Variants in MYO18B observed in about 807,000 individuals in gnomAD.
MYO18B encodes myosin XVIIIB, also known as unconventional myosin-XVIIIb.
In MYO18B, 204 loss-of-function variants were observed where a neutral mutation model predicts 273.0. The ratio of observed to expected loss-of-function variants is 0.75; its 90% CI spans 0.67 to 0.84. MYO18B has a LOEUF of 0.84. Among genes scored for constraint, MYO18B ranks in the 40% least tolerant of loss-of-function variants. The pLI is 0.00. For missense variants in MYO18B, 3,212 were observed against 3,287.6 expected, an observed-to-expected ratio of 0.98 and a Z score of 0.56; for synonymous variants, 1,330 against 1,305.7, an observed-to-expected ratio of 1.02 and a Z score of -0.40.
chr22:25,936,240 G>A (rs1309472796), intron 34 of MYO18B, among the ~76,000 whole-genome samples: 3 of 152,216 alleles, frequency 2.0e-5, no homozygotes, highest in Admixed American at 6.5e-5. Context: ...TGGAGCATCA[G>A]TGTGATCCAG....
intron 21 of MYO18B, among the ~76,000 whole-genome samples, chr22:25,860,851 G>A (rs955480189): frequency 2.6e-5 from 4 of 151,742 alleles, no homozygotes; most frequent in African/African-American, 4.8e-5. Context: ...GGGCAATTTG[G>A]TTGATAGTAT....
At chr22:26,006,526 C>T (rs571558535) in intron 42 of MYO18B, 30 of 261,518 alleles carry the variant, frequency 1.1e-4, no homozygotes, top group African/African-American at 4.3e-4. Context: ...TATAGGAAAA[C>T]GTATACAATG....
intron 32 of MYO18B, among the ~76,000 whole-genome samples, 157 bp downstream of exon 32, chr22:25,908,589 T>C (rs1228663851): frequency 6.6e-6 from 1 of 152,140 alleles, no homozygotes; most frequent in African/African-American, 2.4e-5. Context: ...ACTTCAAAGG[T>C]GTAGGAGCGG....
At chr22:25,838,531 A>C (rs5761265) in intron 17 of MYO18B, among the ~76,000 whole-genome samples, 53,434 of 152,076 alleles carry the variant, frequency 0.35, 9,814 homozygotes, top group East Asian at 0.67. Flanking sequence ...TGTGTATACA[A>C]ATGGTGATTC....
intron 40 of MYO18B, among the ~76,000 whole-genome samples, chr22:25,998,817 A>G (rs1933622764): frequency 6.6e-6 from 1 of 152,126 alleles, no homozygotes; most frequent in Non-Finnish European, 1.5e-5. Flanking sequence ...TATTAATCTG[A>G]GAAGGTTGAT....
intron 8 of MYO18B, among the ~76,000 whole-genome samples, chr22:25,779,852 A>G (rs968390078): frequency 2.6e-5 from 4 of 152,208 alleles, no homozygotes; most frequent in Admixed American, 2.0e-4. Flanking sequence ...CAGCCCAGCA[A>G]TCGGTGCTCA....
In MYO18B at chr22:25,763,118, G is replaced by A. The variant is rs6004759; in HGVS notation, c.40-113G>A. 581 of 1,238,956 alleles carry A rather than the reference G, an allele frequency of 4.7e-4. 2 individuals carry two copies. The African/African-American group carries it at 6.8e-3, about 14-fold the overall frequency. The allele number at this position is 1,238,956 out of a possible 1,614,324, so 76.7% of individuals were successfully genotyped here. On this transcript the variant is annotated intron_variant, in intron 2 of 43. Coordinates refer to ENST00000335473, the MANE Select transcript of MYO18B (RefSeq NM_032608.7). ...GCTGTGGCTTCTCATACATGGGCTT[G>A]GTCATGTATGTCTCCTCCGCCCCCT... is the stretch of plus-strand genomic sequence containing the variant.
chr22:25,918,754 A>C (rs568171613), intron 33 of MYO18B, among the ~76,000 whole-genome samples: 1 of 152,318 alleles, frequency 6.6e-6, no homozygotes, highest in African/African-American at 2.4e-5. Context: ...GCACTTTAGG[A>C]TATATGCAAA....
At chr22:25,859,937 C>T (rs117267232) in intron 21 of MYO18B, among the ~76,000 whole-genome samples, 6,105 of 152,236 alleles carry the variant, frequency 0.04, 177 homozygotes, top group East Asian at 0.13. Context: ...GATATTCTCC[C>T]ATTTTCCGCT....
intron 22 of MYO18B, among the ~76,000 whole-genome samples, chr22:25,873,462 T>G (rs2091104162): frequency 6.6e-6 from 1 of 152,164 alleles, no homozygotes; most frequent in African/African-American, 2.4e-5. Flanking sequence ...TCCTTTCTTT[T>G]TTTTGAGATG....
chr22:25,930,133 A>G (rs1301641408), intron 34 of MYO18B, among the ~76,000 whole-genome samples: 1 of 152,052 alleles, frequency 6.6e-6, no homozygotes, highest in African/African-American at 2.4e-5. Context: ...TCTTTGCCTG[A>G]TAAGCATCTA....
At chr22:26,051,266 C>T in the MYO18B span, among the ~76,000 whole-genome samples, 1 of 144,688 alleles carries the variant, frequency 6.9e-6, no homozygotes, top group African/African-American at 2.6e-5. Flanking sequence ...CTCTGTTGCC[C>T]AGGCTGGAGT....
chr22:25,838,157 AC>A (rs2089963236), intron 17 of MYO18B, among the ~76,000 whole-genome samples: 1 of 150,956 alleles, frequency 6.6e-6, no homozygotes, highest in Non-Finnish European at 1.5e-5. Context: ...ATACACACAC[AC>A]AAATATATAT....
At chr22:25,832,349 C>T (rs2089737732) in intron 15 of MYO18B, among the ~76,000 whole-genome samples, 1 of 152,066 alleles carries the variant, frequency 6.6e-6, no homozygotes, top group Non-Finnish European at 1.5e-5. Context: ...AGAAGCAACT[C>T]ATATATAGAT....
At position 25,931,257 on chromosome 22, in the gene MYO18B, A is replaced by G. The variant is rs76330996; in HGVS notation, c.5517+9848A>G. Among the ~76,000 whole-genome samples the G allele has an allele frequency of 7.2e-3, 1,095 of 152,268 alleles. 19 individuals are homozygous for G. Among genetic ancestry groups the G allele is most frequent in the African/African-American group, 0.025 (1,035 of 41,582 alleles). On this transcript the variant is annotated intron_variant, in intron 34 of 43. Transcript: ENST00000335473. Reference sequence around the variant, plus strand: ...TGGTTATCACAGGCCTGTTCACCCCACAAATGTTGACACATTCAATGCTAT... The same window carrying G: ...TGGTTATCACAGGCCTGTTCACCCCGCAAATGTTGACACATTCAATGCTAT...
intron 8 of MYO18B, among the ~76,000 whole-genome samples, chr22:25,779,132 T>A (rs1303248298): frequency 6.6e-6 from 1 of 152,022 alleles, no homozygotes. Context: ...AAGAGTAAAA[T>A]TTTTTTTACC....
chr22:25,854,720 T>C (rs1386261494), intron 21 of MYO18B, among the ~76,000 whole-genome samples: 2 of 152,228 alleles, frequency 1.3e-5, no homozygotes, highest in Non-Finnish European at 2.9e-5. Context: ...TCTGTCTCTA[T>C]AAATCTGACT....
Position 25,883,965 on chromosome 22 carries a change from A to G in MYO18B, c.4314+5917A>G, listed in dbSNP as rs1027671734. ...CAGTGCTGGCCTTCTTGTTGGAAGC[A>G]CCTGTAAGGTTTTGGGACCACATGG... On this transcript the variant is annotated intron_variant, in intron 25 of 43. Transcript: ENST00000335473. The surrounding 1 kb of genome is among the most constrained non-coding windows in gnomAD (Gnocchi z 7.6). 6.6e-6 allele frequency among the ~76,000 whole-genome samples: 1 copy of G among 152,026 alleles called. No homozygotes were observed. Among genetic ancestry groups the G allele is most frequent in the Non-Finnish European group, 1.5e-5 (1 of 68,000 alleles).
chr22:25,787,570 A>G (rs1232806511), intron 11 of MYO18B, among the ~76,000 whole-genome samples: 1 of 152,058 alleles, frequency 6.6e-6, no homozygotes, highest in Non-Finnish European at 1.5e-5. Flanking sequence ...GCAAGCCTGG[A>G]GAGTTGGGGG....
Sources: allele counts gnomAD v4.1 joint callset (sites outside exome capture counted in the v4.1 genomes callset), GRCh38; gene constraint gnomAD v4.1.1; non-coding constraint Gnocchi (gnomAD v3.1); transcripts MANE v1.5; gene names NCBI Gene and HGNC (gene_info 2026-07-23, HGNC 2026-07-21).